Variants in SGCD observed in about 807,000 individuals in gnomAD.
The protein encoded by SGCD is delta-sarcoglycan.
A neutral mutation model predicts 36.6 loss-of-function variants in SGCD; 18 were observed. The observed-to-expected ratio is 0.49, with a 90% CI of 0.34 to 0.73. SGCD has a LOEUF of 0.73. SGCD is among the 30% of genes least tolerant of loss of function. The pLI, the probability that SGCD is intolerant of heterozygous loss-of-function variation, is 0.01. For missense variants in SGCD, 387 were observed against 346.7 expected (o/e 1.12, Z -0.92); for synonymous variants, 133 against 130.6 (o/e 1.02, Z -0.12).
chr5:155,980,588 A>G (rs1758206261), intron 1 of SGCD, among the ~76,000 whole-genome samples: 1 of 3,858 alleles, frequency 2.6e-4, no homozygotes, highest in Non-Finnish European at 1.0e-3. Flanking sequence ...ACTCCCTATC[A>G]AAAAAAAAAA....
intron 1 of SGCD, among the ~76,000 whole-genome samples, chr5:156,091,071 G>C (rs1337104540): frequency 6.6e-6 from 1 of 152,174 alleles, no homozygotes; most frequent in African/African-American, 2.4e-5. Context: ...ACAGGGTCCT[G>C]AGGTGACATA....
chr5:155,921,631 G>A (rs752415990), intron 1 of SGCD, among the ~76,000 whole-genome samples: 1 of 152,144 alleles, frequency 6.6e-6, no homozygotes, highest in Non-Finnish European at 1.5e-5. Flanking sequence ...CAAATGGGAT[G>A]TGAAGCCTCT....
intron 1 of SGCD, among the ~76,000 whole-genome samples, chr5:155,926,532 C>CT (rs1187336301): frequency 3.3e-5 from 5 of 152,150 alleles, no homozygotes; most frequent in African/African-American, 9.7e-5. Context: ...AAGGATATAT[C>CT]TTTTTCTAAA....
intron 1 of SGCD, among the ~76,000 whole-genome samples, chr5:156,069,132 A>G (rs574102123): frequency 1.3e-5 from 2 of 152,170 alleles, no homozygotes; most frequent in Admixed American, 6.5e-5. Context: ...GTTTAATTAG[A>G]TCCCATTTGT....
chr5:156,003,605 A>G (rs1454175214), intron 1 of SGCD, among the ~76,000 whole-genome samples: 4 of 152,230 alleles, frequency 2.6e-5, no homozygotes, highest in Non-Finnish European at 4.4e-5. Flanking sequence ...ATTTTTGACA[A>G]GATAAATGAC....
chr5:156,101,902 CTGTG>C (rs36187985), intron 1 of SGCD, among the ~76,000 whole-genome samples: 2,773 of 108,032 alleles, frequency 0.026, 45 homozygotes, highest in Middle Eastern at 0.085. Flanking sequence ...GTGTCTCCAG[CTGTG>C]TGTGTGTGTG....
At chr5:156,695,693 G>A (rs1754295400) in intron 7 of SGCD, among the ~76,000 whole-genome samples, 1 of 152,144 alleles carries the variant, frequency 6.6e-6, no homozygotes, top group Non-Finnish European at 1.5e-5. Context: ...GCAAATTTCT[G>A]TAAACAGCAA....
At chr5:156,686,143 A>C (rs558750401) in intron 7 of SGCD, among the ~76,000 whole-genome samples, 1 of 152,366 alleles carries the variant, frequency 6.6e-6, no homozygotes, top group South Asian at 2.1e-4. Context: ...TTAATCTTCA[A>C]AACAGTTCTA....
At chr5:156,485,958 C>G (rs533130431) in intron 3 of SGCD, among the ~76,000 whole-genome samples, 1 of 152,246 alleles carries the variant, frequency 6.6e-6, no homozygotes, top group African/African-American at 2.4e-5. Context: ...TACAGAAGAG[C>G]TCCTCAGGTT....
intron 1 of SGCD, among the ~76,000 whole-genome samples, chr5:156,088,243 C>T (rs1047396242): frequency 6.6e-6 from 1 of 151,884 alleles, no homozygotes; most frequent in Non-Finnish European, 1.5e-5. Flanking sequence ...ACTTCTTGGG[C>T]CATCATTTTT....
Position 156,154,266 on chromosome 5 carries a change from A to G in SGCD, c.-44+30247A>G, listed in dbSNP as rs576601150. 4.6e-5 allele frequency among the ~76,000 whole-genome samples: 7 copies of G among 151,678 alleles called. No individual in the cohort carries two copies. In the South Asian group the frequency reaches 1.5e-3, roughly 31 times the overall value. Reference sequence around the variant, plus strand: ...AATGCAGTTAAGCAGAAGAAACATAATTTTAGCCTGATGTGTTAGATTTGA... The same window carrying G: ...AATGCAGTTAAGCAGAAGAAACATAGTTTTAGCCTGATGTGTTAGATTTGA... On this transcript the variant is annotated intron_variant, in intron 3 of 9. Transcript: ENST00000517913.
chr5:155,851,718 G>A, the SGCD span, among the ~76,000 whole-genome samples: 1 of 152,146 alleles, frequency 6.6e-6, no homozygotes, highest in Non-Finnish European at 1.5e-5. Context: ...CTGGCCTCAT[G>A]GACTTTCACC....
intron 3 of SGCD, among the ~76,000 whole-genome samples, chr5:156,161,550 CA>C (rs945728031): frequency 6.6e-6 from 1 of 151,916 alleles, no homozygotes; most frequent in Non-Finnish European, 1.5e-5. Context: ...CCCAAGGGCA[CA>C]AAGCTGGTGA....
chr5:155,745,304 ATAT>A, the SGCD span, among the ~76,000 whole-genome samples: 1 of 152,216 alleles, frequency 6.6e-6, no homozygotes, highest in South Asian at 2.1e-4. Flanking sequence ...ATATAATATG[ATAT>A]TATGATAATG....
chr5:156,718,539 G>T (rs1191858698), intron 7 of SGCD, among the ~76,000 whole-genome samples: 2 of 152,092 alleles, frequency 1.3e-5, no homozygotes, highest in Non-Finnish European at 2.9e-5. Context: ...CAGTACTTTG[G>T]GAGGCCGAGG....
At chr5:156,437,819 T>A (rs568453706) in intron 3 of SGCD, among the ~76,000 whole-genome samples, 19 of 152,308 alleles carry the variant, frequency 1.2e-4, no homozygotes, top group Admixed American at 9.2e-4. Flanking sequence ...ATGTGTTTTT[T>A]AACTTTTGGA....
intron 1 of SGCD, among the ~76,000 whole-genome samples, chr5:155,951,858 G>A (rs1757554593): frequency 6.6e-6 from 1 of 152,060 alleles, no homozygotes; most frequent in Non-Finnish European, 1.5e-5. Flanking sequence ...CTTACACAAG[G>A]CACAGGCCTT....
intron 1 of SGCD, among the ~76,000 whole-genome samples, chr5:155,892,605 A>T (rs1176608115): frequency 1.3e-5 from 2 of 152,116 alleles, no homozygotes; most frequent in Non-Finnish European, 1.5e-5. Context: ...GTACTTCATC[A>T]TCTGATTTTT....
chr5:156,639,444 C>G (rs963538076), intron 6 of SGCD, among the ~76,000 whole-genome samples: 1 of 152,148 alleles, frequency 6.6e-6, no homozygotes, highest in Non-Finnish European at 1.5e-5. Context: ...AACACATGCA[C>G]CTCTGTGCAG....
Sources: allele counts gnomAD v4.1 joint callset (sites outside exome capture counted in the v4.1 genomes callset), GRCh38; gene constraint gnomAD v4.1.1; transcripts MANE v1.5; gene names NCBI Gene and HGNC (gene_info 2026-07-23, HGNC 2026-07-21).